Variants in COMMD1 observed in about 807,000 individuals in gnomAD.
The protein encoded by COMMD1 is copper metabolism domain containing 1, also known as COMM domain-containing protein 1.
In COMMD1, 10 loss-of-function variants were observed where a neutral mutation model predicts 17.2. The ratio of observed to expected loss-of-function variants is 0.58; its 90% CI spans 0.36 to 0.99. The LOEUF (loss-of-function observed/expected upper bound fraction) is 0.99, where lower values mean the gene tolerates loss of function less well. Ranked by LOEUF, COMMD1 falls within the 50% of genes least tolerant of loss-of-function variation. COMMD1 has a pLI of 0.01. For missense variants in COMMD1, 270 were observed against 231.8 expected, an observed-to-expected ratio of 1.17 and a Z score of -1.07; for synonymous variants, 97 against 91.6, an observed-to-expected ratio of 1.06 and a Z score of -0.34.
intron 2 of COMMD1, among the ~76,000 whole-genome samples, chr2:62,063,898 T>TATATATATATA (rs1438732823): frequency 6.7e-4 from 85 of 126,200 alleles, no homozygotes; most frequent in East Asian, 9.6e-4. Context: ...TATATATATA[T>TATATATATATA]TAGCCAGGCA....
intron 2 of COMMD1, among the ~76,000 whole-genome samples, chr2:62,021,684 T>C (rs2103856711): frequency 6.6e-6 from 1 of 152,240 alleles, no homozygotes; most frequent in East Asian, 1.9e-4. Context: ...TCATTAGCTT[T>C]TGTATTAAGC....
At chr2:61,988,616 G>A (rs559520724) in intron 1 of COMMD1, among the ~76,000 whole-genome samples, 1 of 152,256 alleles carries the variant, frequency 6.6e-6, no homozygotes. Context: ...GAGCTGTGCT[G>A]CCTGGGGTTG....
At chr2:61,903,854 T>G (rs1669710334), upstream of COMMD1, among the ~76,000 whole-genome samples, 1 of 151,858 alleles carries the variant, frequency 6.6e-6, no homozygotes, top group African/African-American at 2.4e-5. Flanking sequence ...AGTTGTCACT[T>G]TGAAGGAAGG....
chr2:62,121,738 C>CAAA (rs549415329), intron 2 of COMMD1, among the ~76,000 whole-genome samples: 2 of 80,050 alleles, frequency 2.5e-5, no homozygotes, highest in African/African-American at 3.6e-5. Flanking sequence ...GACTCCGTCT[C>CAAA]AAAAAAAAAA....
At chr2:61,924,892 C>T (rs1479564785) in intron 1 of COMMD1, among the ~76,000 whole-genome samples, 1 of 152,098 alleles carries the variant, frequency 6.6e-6, no homozygotes, top group East Asian at 1.9e-4. Flanking sequence ...TCCCGTGGAA[C>T]TTGTCTGGAA....
intron 2 of COMMD1, among the ~76,000 whole-genome samples, chr2:62,019,117 C>CTCCA (rs1669539897): frequency 1.5e-5 from 2 of 130,196 alleles, no homozygotes; most frequent in African/African-American, 5.7e-5. Flanking sequence ...CCCTCCCTCC[C>CTCCA]TCCCTCCCTC....
intron 1 of COMMD1, among the ~76,000 whole-genome samples, chr2:61,957,491 A>G (rs1671229088): frequency 6.6e-6 from 1 of 152,038 alleles, no homozygotes; most frequent in Non-Finnish European, 1.5e-5. Flanking sequence ...TTTGCCAAAG[A>G]TGCTTAACTC....
chr2:62,096,398 G>A (rs865826049), intron 2 of COMMD1, among the ~76,000 whole-genome samples: 1 of 152,158 alleles, frequency 6.6e-6, no homozygotes, highest in South Asian at 2.1e-4. Context: ...ATGTTTTTGA[G>A]TTAATATTCC....
intron 1 of COMMD1, among the ~76,000 whole-genome samples, chr2:61,947,716 CTTTTTT>C (rs543333587): frequency 7.6e-6 from 1 of 132,258 alleles, no homozygotes; most frequent in African/African-American, 2.8e-5. Flanking sequence ...TTTTTTTGTA[CTTTTTT>C]TTTTTTTTTT....
chr2:62,063,868 AATATATATATAT>A (rs55740628), intron 2 of COMMD1, among the ~76,000 whole-genome samples: 3,043 of 81,174 alleles, frequency 0.037, 286 homozygotes, highest in African/African-American at 0.097. Context: ...GTCTCTACAA[AATATATATATAT>A]ATATATATAT....
chr2:62,038,132 T>C (rs1670088464), intron 2 of COMMD1, among the ~76,000 whole-genome samples: 2 of 151,948 alleles, frequency 1.3e-5, no homozygotes, highest in African/African-American at 2.4e-5. Context: ...CTACTAAAAA[T>C]ACAAAACTAG....
chr2:62,092,760 A>C (rs950240182), intron 2 of COMMD1, among the ~76,000 whole-genome samples: 1 of 152,104 alleles, frequency 6.6e-6, no homozygotes, highest in African/African-American at 2.4e-5. Context: ...TTCCCCTTTG[A>C]GTAAGGCCAG....
At chr2:61,918,301 A>G (rs1670099075) in intron 1 of COMMD1, among the ~76,000 whole-genome samples, 1 of 152,212 alleles carries the variant, frequency 6.6e-6, no homozygotes, top group South Asian at 2.1e-4. Context: ...AGTTTTGCTA[A>G]TTTCACTGAA....
At chr2:61,990,586 G>T (rs566344285) in intron 1 of COMMD1, among the ~76,000 whole-genome samples, 1 of 152,252 alleles carries the variant, frequency 6.6e-6, no homozygotes, top group East Asian at 1.9e-4. Context: ...AAAGAAAGAG[G>T]TTTATTTGAC....
intron 2 of COMMD1, among the ~76,000 whole-genome samples, chr2:62,014,604 C>T (rs1213073153): frequency 9.3e-6 from 1 of 107,462 alleles, no homozygotes; most frequent in African/African-American, 3.8e-5. Context: ...CTCTGTCACC[C>T]AGGCTGGAAT....
intron 1 of COMMD1, among the ~76,000 whole-genome samples, chr2:61,922,547 C>G (rs1019796993): frequency 1.3e-5 from 2 of 152,086 alleles, no homozygotes; most frequent in Non-Finnish European, 2.9e-5. Context: ...AACTCCTGAC[C>G]TCAGGTGATC....
intron 2 of COMMD1, among the ~76,000 whole-genome samples, chr2:62,016,225 T>C (rs1230411363): frequency 1.4e-5 from 2 of 147,646 alleles, no homozygotes; most frequent in Admixed American, 6.7e-5. Flanking sequence ...TTTTTTTTTT[T>C]CGAGACAGGG....
intron 1 of COMMD1, among the ~76,000 whole-genome samples, chr2:61,969,464 G>T (rs1671590821): frequency 6.6e-6 from 1 of 152,114 alleles, no homozygotes; most frequent in South Asian, 2.1e-4. Flanking sequence ...TGGCAGTGTT[G>T]TATATTTTAT....
intron 2 of COMMD1, among the ~76,000 whole-genome samples, chr2:62,056,828 A>G (rs1670717744): frequency 6.6e-6 from 1 of 152,214 alleles, no homozygotes; most frequent in Non-Finnish European, 1.5e-5. Flanking sequence ...GAAGAGGATT[A>G]ACTGCTTGAC....
Sources: allele counts gnomAD v4.1 joint callset (sites outside exome capture counted in the v4.1 genomes callset), GRCh38; gene constraint gnomAD v4.1.1; transcripts MANE v1.5; gene names NCBI Gene and HGNC (gene_info 2026-07-23, HGNC 2026-07-21).